DDX10: variants seen among roughly 807,000 people sequenced by gnomAD.
DDX10 encodes the protein probable ATP-dependent RNA helicase DDX10.
DDX10 carries 74 observed loss-of-function variants against 104.3 expected under a neutral mutation model. That is an observed-to-expected ratio of 0.71 (90% CI 0.59 to 0.86). The LOEUF (loss-of-function observed/expected upper bound fraction) is 0.86. Among genes scored for constraint, DDX10 ranks in the 40% least tolerant of loss-of-function variants. DDX10 has a pLI of 0.00. For synonymous variants in DDX10, 351 were observed against 353.4 expected (o/e 0.99, Z 0.08); for missense variants, 952 against 1,040.0 (o/e 0.92, Z 1.16).
chr11:108,895,441 A>G (rs1863428526), intron 16 of DDX10, among the ~76,000 whole-genome samples: 2 of 151,966 alleles, frequency 1.3e-5, no homozygotes, highest in South Asian at 2.1e-4. Flanking sequence ...AGGATTCACT[A>G]GTTTTCCTTT....
intron 6 of DDX10, among the ~76,000 whole-genome samples, chr11:108,679,804 T>G (rs2094232138): frequency 6.6e-6 from 1 of 152,210 alleles, no homozygotes; most frequent in Non-Finnish European, 1.5e-5. Flanking sequence ...TCCATAGATG[T>G]TAAGAGGTAT....
chr11:108,931,627 A>G (rs1863976384), intron 17 of DDX10, among the ~76,000 whole-genome samples: 4 of 152,224 alleles, frequency 2.6e-5, no homozygotes, highest in Admixed American at 2.6e-4. Context: ...AAGGGGATAA[A>G]AGGTTCCATG....
chr11:108,879,913 G>A (rs1233774398), intron 16 of DDX10, among the ~76,000 whole-genome samples: 1 of 151,972 alleles, frequency 6.6e-6, no homozygotes, highest in East Asian at 1.9e-4. Flanking sequence ...AGATATTACT[G>A]CATATTTTTT....
intron 10 of DDX10, among the ~76,000 whole-genome samples, chr11:108,707,225 G>T (rs991343110): frequency 6.6e-6 from 1 of 152,024 alleles, no homozygotes; most frequent in Non-Finnish European, 1.5e-5. Context: ...ATATCATATG[G>T]CAGTTTTCAC....
chr11:108,734,245 T>C (rs1269963691), intron 13 of DDX10, among the ~76,000 whole-genome samples: 1 of 152,188 alleles, frequency 6.6e-6, no homozygotes, highest in Non-Finnish European at 1.5e-5. Flanking sequence ...TCAAGACTAC[T>C]GTACTCCGAA....
chr11:108,796,304 C>G (rs1414573913), intron 13 of DDX10, among the ~76,000 whole-genome samples: 2 of 152,188 alleles, frequency 1.3e-5, no homozygotes, highest in African/African-American at 2.4e-5. Context: ...CATTTTTGTT[C>G]CGTGATGACA....
intron 9 of DDX10, among the ~76,000 whole-genome samples, chr11:108,704,665 A>C (rs61913980): frequency 0.12 from 18,724 of 152,152 alleles, 1,563 homozygotes; most frequent in East Asian, 0.27. Context: ...TAAATTCATA[A>C]TTTTGTTAGT....
chr11:108,682,265 C>G (rs998931149), intron 6 of DDX10, among the ~76,000 whole-genome samples: 3 of 152,026 alleles, frequency 2.0e-5, no homozygotes, highest in Admixed American at 2.0e-4. Flanking sequence ...CCACCATGCC[C>G]ACCTAATTTT....
chr11:108,852,149 C>G lies in DDX10; in HGVS notation c.2248-4C>G, dbSNP rs1202358895. On this transcript the variant is annotated splice_polypyrimidine_tract_variant and splice_region_variant and intron_variant, in intron 15 of 17. Coordinates refer to ENST00000322536, the MANE Select transcript of DDX10 (RefSeq NM_004398.4). ...CTAATTTTTCTCCTCTTCCTTGTCTCCAGGAGAAAAGACTGAAAGAAAGGG... is the reference window on the plus strand; with the variant it reads ...CTAATTTTTCTCCTCTTCCTTGTCTGCAGGAGAAAAGACTGAAAGAAAGGG... The G allele has an allele frequency of 1.2e-6, 2 of 1,608,684 alleles. No homozygotes were observed. Among genetic ancestry groups the G allele is most frequent in the African/African-American group, 2.7e-5 (2 of 74,718 alleles).
chr11:108,705,226 T>A (rs1342725922), intron 9 of DDX10, among the ~76,000 whole-genome samples: 1 of 152,186 alleles, frequency 6.6e-6, no homozygotes, highest in African/African-American at 2.4e-5. Flanking sequence ...TTTTCTGGCT[T>A]CCACTCCCTT....
chr11:108,679,836 C>G (rs2094232205), intron 6 of DDX10, among the ~76,000 whole-genome samples: 1 of 152,144 alleles, frequency 6.6e-6, no homozygotes, highest in Non-Finnish European at 1.5e-5. Context: ...CCAACACTAC[C>G]TCTTAATAAA....
At chr11:108,777,542 C>T (rs574288817) in intron 13 of DDX10, among the ~76,000 whole-genome samples, 8 of 152,128 alleles carry the variant, frequency 5.3e-5, no homozygotes, top group East Asian at 1.9e-4. Context: ...AGGCTGGTCT[C>T]GAACTCCTGA....
intron 13 of DDX10, among the ~76,000 whole-genome samples, chr11:108,750,926 C>CTTTTTTTTTTTTTTTTTTTTTT (rs10582729): frequency 8.2e-5 from 2 of 24,250 alleles, no homozygotes; most frequent in African/African-American, 1.9e-4. Context: ...CACCTGGTTA[C>CTTTTTTTTTTTTTTTTTTTTTT]TTTTTTTTTT....
intron 6 of DDX10, 37 bp from the exon 7 acceptor site, chr11:108,688,899 C>G: frequency 6.3e-7 from 1 of 1,594,680 alleles, no homozygotes; most frequent in Admixed American, 1.7e-5. Flanking sequence ...ACTTACATGA[C>G]ATATTCTAAT....
chr11:108,790,461 A>G (rs1861855743), intron 13 of DDX10, among the ~76,000 whole-genome samples: 2 of 152,364 alleles, frequency 1.3e-5, no homozygotes, highest in African/African-American at 4.8e-5. Context: ...GGTGGATTGT[A>G]GCCAACTCTT....
intron 16 of DDX10, among the ~76,000 whole-genome samples, chr11:108,875,857 A>G (rs1863146918): frequency 6.6e-6 from 1 of 152,154 alleles, no homozygotes; most frequent in East Asian, 1.9e-4. Flanking sequence ...CCAAATAATG[A>G]AACTCCGGGA....
chr11:108,884,327 C>G (rs192459447), intron 16 of DDX10, among the ~76,000 whole-genome samples: 12 of 152,276 alleles, frequency 7.9e-5, no homozygotes, highest in Non-Finnish European at 7.4e-5. Flanking sequence ...ATGGCTACCT[C>G]TGGGCCTTCA....
chr11:108,798,342 G>A (rs1279123237), intron 13 of DDX10, among the ~76,000 whole-genome samples: 3 of 152,148 alleles, frequency 2.0e-5, no homozygotes, highest in Non-Finnish European at 4.4e-5. Flanking sequence ...TTAAGTGTAT[G>A]ATTCTATAGG....
intron 16 of DDX10, among the ~76,000 whole-genome samples, chr11:108,907,105 T>C (rs1863605962): frequency 6.6e-6 from 1 of 152,212 alleles, no homozygotes; most frequent in African/African-American, 2.4e-5. Context: ...CCTGCCATTC[T>C]TAACTTTATT....
Sources: gnomAD v4.1 joint callset for allele counts (sites outside exome capture counted in the v4.1 genomes callset) on GRCh38, gnomAD v4.1.1 for gene constraint, MANE v1.5 for transcripts, NCBI Gene and HGNC (gene_info 2026-07-23, HGNC 2026-07-21) for gene names.